NENF: variants seen among roughly 807,000 people sequenced by gnomAD.
NENF encodes the protein neudesin.
NENF carries 6 observed loss-of-function variants against 14.8 expected under a neutral mutation model. That is an observed-to-expected ratio of 0.40 (90% CI 0.22 to 0.80). The LOEUF is 0.80. NENF is among the 30% of genes least tolerant of loss of function. The pLI, the probability that NENF is intolerant of heterozygous loss-of-function variation, is 0.34. For missense variants in NENF, 184 were observed against 212.7 expected (o/e 0.87, Z 0.84); for synonymous variants, 76 against 95.1 (o/e 0.80, Z 1.17).
At chr1:212,444,200 C>T (rs1008265097) in intron 2 of NENF, 139 bp from the exon 3 acceptor site, 11 of 462,120 alleles carry the variant, frequency 2.4e-5, no homozygotes, top group Admixed American at 1.7e-4. Context: ...GACTTTGTAT[C>T]GCCATTGTTT....
intron 1 of NENF, 71 bp from the exon 2 acceptor site, chr1:212,442,494 A>G: frequency 8.6e-7 from 1 of 1,169,070 alleles, no homozygotes; most frequent in Middle Eastern, 1.9e-4. Context: ...TGATGGGAGA[A>G]GATTTTACTA....
chr1:212,433,855 C>CA lies in NENF; in HGVS notation c.177+736dup, dbSNP rs1662562455. On this transcript the variant is annotated intron_variant, in intron 1 of 3. Transcript: ENST00000366988. This position sits in a 1 kb window ranked among gnomAD's most constrained non-coding sequence, Gnocchi z 5.5. ...ACTGGAGCCGCACGACAAGGACCAA[C>CA]AGGGGGCTGATATTAGATGTGGAGC... Among the ~76,000 whole-genome samples the CA allele has an allele frequency of 6.6e-6, 1 of 152,122 alleles. No individual in the cohort carries two copies. Among genetic ancestry groups the CA allele is most frequent in the South Asian group, 2.1e-4 (1 of 4,822 alleles).
rs768070052 is a variant in NENF at position 212,445,910 on chromosome 1, C to G, written c.423C>G (p.Gly141=). 6.2e-7 allele frequency: 1 copy of G among 1,614,188 alleles called. No homozygotes were observed. Among genetic ancestry groups the G allele is most frequent in the African/African-American group, 1.3e-5 (1 of 75,030 alleles). Residue 141 remains glycine, a synonymous_variant, in exon 4 of 4, where the codon GGC becomes GGG. Coordinates refer to ENST00000366988, the MANE Select transcript of NENF (RefSeq NM_013349.5). ...KVYKAKYPIV[G]YTARRILNED... is the part of the protein sequence containing the mutation. ...ACAAAGCCAAATACCCCATCGTCGG[C>G]TACACTGCCCGGAGAATTCTCAATG... is the stretch of plus-strand genomic sequence containing the variant.
chr1:212,445,663 C>G (rs1043827784), intron 3 of NENF, among the ~76,000 whole-genome samples, 167 bp from the exon 4 acceptor site: 2 of 151,866 alleles, frequency 1.3e-5, no homozygotes, highest in African/African-American at 4.8e-5. Context: ...CCCCACGCCC[C>G]CCCCACAGCA....
rs1317972482 is a variant in NENF, at chr1:212,436,944, G to A, written c.177+3824G>A. On this transcript the variant is annotated intron_variant, in intron 1 of 3. Coordinates refer to ENST00000366988, the MANE Select transcript of NENF (RefSeq NM_013349.5). ...TCTACCAAAAAAAAAAAAAAAAAAA[G>A]AGTTCCTACTCTAAGCAGGTGTTTT... Among the ~76,000 whole-genome samples, 7 of 141,154 alleles carry A rather than the reference G, an allele frequency of 5.0e-5. No homozygotes were observed. The East Asian group carries it at 1.2e-3, about 24-fold the overall frequency. 92.6% of individuals were successfully genotyped at this position (141,154 alleles called of 152,430 possible).
chr1:212,442,073 A>G (rs575906193), intron 1 of NENF, among the ~76,000 whole-genome samples: 87 of 152,108 alleles, frequency 5.7e-4, no homozygotes, highest in Non-Finnish European at 1.1e-3. Flanking sequence ...GTGCAGTGGC[A>G]TGATCTTGGT....
intron 1 of NENF, 154 bp from the exon 2 acceptor site, chr1:212,442,411 G>C (rs939296621): frequency 3.2e-6 from 2 of 633,958 alleles, no homozygotes; most frequent in African/African-American, 3.7e-5. Flanking sequence ...GCCCAGGCAG[G>C]TGGCAAGCTC....
chr1:212,444,953 T>C (rs1334087943), intron 3 of NENF, among the ~76,000 whole-genome samples: 4 of 152,184 alleles, frequency 2.6e-5, no homozygotes, highest in African/African-American at 7.2e-5. Flanking sequence ...AAGGAGAAGA[T>C]AGCATTAAAA....
chr1:212,435,929 T>A (rs1410511198), intron 1 of NENF, among the ~76,000 whole-genome samples: 3 of 152,206 alleles, frequency 2.0e-5, no homozygotes, highest in African/African-American at 7.2e-5. Context: ...ATGTATTATA[T>A]ACTGAATTCT....
Position 212,433,013 on chromosome 1 carries a change from C to T in NENF, c.70C>T (p.Pro24Ser), listed in dbSNP as rs974279849. The T allele has an allele frequency of 1.8e-5, 21 of 1,169,942 alleles. No homozygotes were observed. Among genetic ancestry groups the T allele is most frequent in the Non-Finnish European group, 2.1e-5 (20 of 947,990 alleles). The allele number at this position is 1,169,942 out of a possible 1,614,324, so 72.5% of individuals were successfully genotyped here. A position where few individuals can be genotyped will look rare whatever the true frequency, so the allele number is the denominator to read the frequency against. ...AALALVLALA[P>S]GLPTARAGQT... ...GCTGGCCCTGGTCCTGGCGCTGGCC[C>T]CGGGGCTGCCCACAGCCCGGGCCGG... The change falls in exon 1 of 4, where the codon CCG (proline) becomes TCG (serine). Residue 24 changes from proline to serine, a missense_variant. Pro to Ser is a moderately conservative substitution (Grantham distance 74, BLOSUM62 -1). Transcript: ENST00000366988. The surrounding 1 kb of genome is among the most constrained non-coding windows in gnomAD (Gnocchi z 5.5).
intron 1 of NENF, among the ~76,000 whole-genome samples, chr1:212,439,815 G>T (rs1033160504): frequency 1.3e-5 from 2 of 150,102 alleles, no homozygotes; most frequent in South Asian, 4.2e-4. Flanking sequence ...AGCCGAGATT[G>T]TGCCACTGCA....
intron 1 of NENF, among the ~76,000 whole-genome samples, chr1:212,436,798 C>T (rs1181879353): frequency 6.6e-6 from 1 of 151,958 alleles, no homozygotes; most frequent in Non-Finnish European, 1.5e-5. Flanking sequence ...AGAGTTCCTA[C>T]TTGGCTGAGT....
At position 212,433,225 on chromosome 1, in the gene NENF, C is replaced by A; in HGVS notation, c.177+105C>A. The A allele has an allele frequency of 2.9e-6, 2 of 700,668 alleles. No individual in the cohort carries two copies. Among genetic ancestry groups the A allele is most frequent in the Non-Finnish European group, 3.7e-6 (2 of 535,134 alleles). 43.4% of individuals were successfully genotyped at this position (700,668 alleles called of 1,614,324 possible). A position where few individuals can be genotyped will look rare whatever the true frequency, so the allele number is the denominator to read the frequency against. On this transcript the variant is annotated intron_variant, in intron 1 of 3. Coordinates refer to ENST00000366988, the MANE Select transcript of NENF (RefSeq NM_013349.5). This position sits in a 1 kb window ranked among gnomAD's most constrained non-coding sequence, Gnocchi z 5.5. ...CGGCGGCCCAGGAAGCTCTGGGGGA[C>A]GCGCGGCCCGCGGCGGGCGCCCTGG...
At chr1:212,445,739 G>A in intron 3 of NENF, 91 bp from the exon 4 acceptor site, 1 of 1,297,160 alleles carries the variant, frequency 7.7e-7, no homozygotes, top group South Asian at 1.3e-5. Context: ...CATTAGGGAT[G>A]TGGGAGGCAA....
intron 3 of NENF, among the ~76,000 whole-genome samples, chr1:212,445,441 G>T (rs967135580): frequency 2.0e-5 from 3 of 152,128 alleles, no homozygotes; most frequent in East Asian, 3.8e-4. Flanking sequence ...AAAGGGGAAG[G>T]TGCCAAATGT....
rs1353519059 is a variant in NENF, at chr1:212,433,415, G to T, written c.177+295G>T. On this transcript the variant is annotated intron_variant, in intron 1 of 3. Coordinates refer to ENST00000366988, the MANE Select transcript of NENF (RefSeq NM_013349.5). This position sits in a 1 kb window ranked among gnomAD's most constrained non-coding sequence, Gnocchi z 5.5. The stretch of plus-strand genomic sequence containing the variant: ...AGCCGCCTTTTCGTTGATGATCTGC[G>T]TACAGACCTCAGAACTTTTTGGTTT... 1.3e-5 allele frequency among the ~76,000 whole-genome samples: 2 copies of T among 152,074 alleles called. No homozygotes were observed. The highest frequency in any genetic ancestry group is 2.9e-5 in the Non-Finnish European group (2 of 68,002).
intron 1 of NENF, among the ~76,000 whole-genome samples, chr1:212,442,292 G>A (rs888485727): frequency 5.9e-5 from 9 of 152,234 alleles, no homozygotes; most frequent in Non-Finnish European, 8.8e-5. Context: ...GATTACAGGC[G>A]TGAGTCACTG....
chr1:212,443,375 A>G (rs1195222297), intron 2 of NENF, among the ~76,000 whole-genome samples: 1 of 152,140 alleles, frequency 6.6e-6, no homozygotes, highest in Non-Finnish European at 1.5e-5. Flanking sequence ...TTCCACCAAC[A>G]TTTAAGAAGA....
chr1:212,438,428 C>T (rs1662642653), intron 1 of NENF, among the ~76,000 whole-genome samples: 1 of 152,086 alleles, frequency 6.6e-6, no homozygotes, highest in African/African-American at 2.4e-5. Context: ...TTTTATTTAC[C>T]AGCAGAGAAA....
Sources: allele counts gnomAD v4.1 joint callset (sites outside exome capture counted in the v4.1 genomes callset), GRCh38; gene constraint gnomAD v4.1.1; non-coding constraint Gnocchi (gnomAD v3.1); transcripts MANE v1.5; gene names NCBI Gene and HGNC (gene_info 2026-07-23, HGNC 2026-07-21).